Variants in PICALM observed in about 807,000 individuals in gnomAD.
PICALM encodes phosphatidylinositol-binding clathrin assembly protein.
In PICALM, 40 loss-of-function variants were observed where a neutral mutation model predicts 80.5. The ratio of observed to expected loss-of-function variants is 0.50; its 90% CI spans 0.39 to 0.65. The LOEUF (loss-of-function observed/expected upper bound fraction) is 0.65. Among genes scored for constraint, PICALM ranks in the 30% least tolerant of loss-of-function variants. PICALM has a pLI of 0.00. For synonymous variants in PICALM, 288 were observed against 260.3 expected, an observed-to-expected ratio of 1.11 and a Z score of -1.02; for missense variants, 676 against 778.9, an observed-to-expected ratio of 0.87 and a Z score of 1.57.
intron 1 of PICALM, among the ~76,000 whole-genome samples, chr11:86,059,246 T>C (rs1286113666): frequency 6.6e-6 from 1 of 152,228 alleles, no homozygotes; most frequent in South Asian, 2.1e-4. Context: ...CAATATTTAC[T>C]GAGCACCCAT....
At chr11:85,996,961 T>C (rs1308263418) in intron 11 of PICALM, 32 bp from the exon 12 acceptor site, 1 of 1,480,284 alleles carries the variant, frequency 6.8e-7, no homozygotes, top group South Asian at 1.2e-5. Context: ...GTGTTTTATT[T>C]ACCAGAAAAA....
chr11:86,062,643 A>G (rs931118713), intron 1 of PICALM, among the ~76,000 whole-genome samples: 1 of 152,216 alleles, frequency 6.6e-6, no homozygotes, highest in African/African-American at 2.4e-5. Flanking sequence ...ATAATAATAT[A>G]ACTTGAGAAA....
chr11:86,067,945 A>G (rs1231575449), intron 1 of PICALM, among the ~76,000 whole-genome samples: 1 of 152,192 alleles, frequency 6.6e-6, no homozygotes, highest in African/African-American at 2.4e-5. Context: ...CCTACACCAA[A>G]TTGAATCCTT....
chr11:86,048,590 T>A (rs1029345932), intron 1 of PICALM, among the ~76,000 whole-genome samples: 1 of 151,630 alleles, frequency 6.6e-6, no homozygotes, highest in Non-Finnish European at 1.5e-5. Flanking sequence ...TCCCAGCACT[T>A]TGGGGGGCTG....
intron 1 of PICALM, among the ~76,000 whole-genome samples, chr11:86,041,596 T>C (rs2095970467): frequency 2.0e-5 from 3 of 152,312 alleles, no homozygotes; most frequent in African/African-American, 4.8e-5. Context: ...TAAGATACTA[T>C]ATATTAATAT....
intron 4 of PICALM, among the ~76,000 whole-genome samples, chr11:86,015,205 G>A (rs1340167338): frequency 6.6e-6 from 1 of 152,124 alleles, no homozygotes; most frequent in Non-Finnish European, 1.5e-5. Context: ...TAAAGCATGA[G>A]CCATAAAAGC....
chr11:86,035,463 C>A (rs572110164), intron 1 of PICALM, among the ~76,000 whole-genome samples: 2 of 152,290 alleles, frequency 1.3e-5, no homozygotes, highest in African/African-American at 4.8e-5. Flanking sequence ...AAAAAAGAAG[C>A]CTGGCCTAAA....
Position 86,030,953 on chromosome 11 carries a change from C to A in PICALM, c.273+516G>T, listed in dbSNP as rs142579171. On this transcript the variant is annotated intron_variant, in intron 2 of 19. Transcript: ENST00000393346. The stretch of plus-strand genomic sequence containing the variant: ...CAAGATGGAAAGACCCCCATCTCTA[C>A]AAAAAAATTTAAAAATAAGCCAGGC... 3.9e-5 allele frequency among the ~76,000 whole-genome samples: 6 copies of A among 152,090 alleles called. No individual in the cohort carries two copies. In the East Asian group the frequency reaches 1.2e-3, roughly 29 times the overall value.
chr11:85,995,567 T>A (rs2094933003), intron 12 of PICALM, among the ~76,000 whole-genome samples: 1 of 152,186 alleles, frequency 6.6e-6, no homozygotes, highest in Non-Finnish European at 1.5e-5. Flanking sequence ...TTGAAATGTT[T>A]AATATATTTT....
chr11:86,028,979 A>G (rs1347993215), intron 2 of PICALM, among the ~76,000 whole-genome samples: 1 of 151,764 alleles, frequency 6.6e-6, no homozygotes, highest in Non-Finnish European at 1.5e-5. Context: ...CTGGGATTAC[A>G]TATGTGCACC....
intron 17 of PICALM, chr11:85,977,970 T>C: frequency 7.0e-6 from 6 of 855,966 alleles, no homozygotes; most frequent in East Asian, 2.6e-5. Flanking sequence ...AAAATCTGAA[T>C]GTGAAAACAA....
chr11:85,976,568 A>G lies in PICALM; in HGVS notation c.1839+55T>C, dbSNP rs1349819092. 4.8e-6 allele frequency: 5 copies of G among 1,047,684 alleles called. No homozygotes were observed. The African/African-American group carries it at 6.3e-5, about 13-fold the overall frequency. 64.9% of individuals were successfully genotyped at this position (1,047,684 alleles called of 1,614,324 possible). A position where few individuals can be genotyped will look rare whatever the true frequency, so the allele number is the denominator to read the frequency against. ...TTTTAGGTTAAATTGTAATAAAAAC[A>G]TGTTATATATGAATCAATATTTTTT... On this transcript the variant is annotated intron_variant, in intron 18 of 19. Coordinates refer to ENST00000393346, the MANE Select transcript of PICALM (RefSeq NM_007166.4).
Position 86,011,025 on chromosome 11 carries a change from T to C in PICALM, c.765+5A>G, listed in dbSNP as rs1371791259. On this transcript the variant is annotated splice_donor_5th_base_variant and intron_variant, in intron 7 of 19. Coordinates refer to ENST00000393346, the MANE Select transcript of PICALM (RefSeq NM_007166.4). ...TTAGGAGACAGTCACTTAAAGACAG[T>C]TTACCTCTGCAACTTTGAGGAACTC... 2 of 1,360,058 alleles carry C rather than the reference T, an allele frequency of 1.5e-6. No individual in the cohort carries two copies. Among genetic ancestry groups the C allele is most frequent in the Admixed American group, 1.8e-5 (1 of 54,148 alleles). 84.2% of individuals were successfully genotyped at this position (1,360,058 alleles called of 1,614,324 possible).
At chr11:86,047,677 T>C (rs1315962487) in intron 1 of PICALM, among the ~76,000 whole-genome samples, 3 of 152,212 alleles carry the variant, frequency 2.0e-5, no homozygotes, top group South Asian at 2.1e-4. Context: ...TCAACAGTTA[T>C]AACACATTCT....
chr11:86,014,421 G>A (rs773165311), intron 5 of PICALM, among the ~76,000 whole-genome samples: 2 of 152,146 alleles, frequency 1.3e-5, no homozygotes, highest in Non-Finnish European at 2.9e-5. Flanking sequence ...AAATTCCAGC[G>A]AACACAATGC....
chr11:85,966,955 AAATTTCTGTTTT>A (rs1224589079), intron 19 of PICALM, among the ~76,000 whole-genome samples: 3 of 152,206 alleles, frequency 2.0e-5, no homozygotes, highest in African/African-American at 7.2e-5. Context: ...GATAGAAAAC[AAATTTCTGTTTT>A]AATTTCTGTT....
chr11:85,988,569 C>T (rs755701668), intron 13 of PICALM, among the ~76,000 whole-genome samples: 1 of 150,558 alleles, frequency 6.6e-6, no homozygotes, highest in Admixed American at 6.7e-5. Flanking sequence ...ACAAGGCATA[C>T]AAGGCAGGAA....
At position 86,026,366 on chromosome 11, in the gene PICALM, C is replaced by T. The variant is rs1167033869; in HGVS notation, c.275G>A (p.Arg92His). ...THHLMVYGNE[R>H]FIQYLASRNT... Reference sequence around the variant, plus strand: ...TCTTGAAGCCAAATACTGAATAAAACGCTGGAAAAAAAAAATTACATCATA... The same window carrying T: ...TCTTGAAGCCAAATACTGAATAAAATGCTGGAAAAAAAAAATTACATCATA... The change falls in exon 3 of 20, where the codon CGT becomes CAT. Residue 92 changes from arginine to histidine, a missense_variant and splice_region_variant. Physicochemically the swap from Arg to His is conservative, Grantham distance 29 (BLOSUM62 0). Around this residue, in one of 2 missense-constraint regions of PICALM, gnomAD observed 285 missense variants for 395.4 expected, o/e 0.72. Transcript: ENST00000393346. 1 of 1,589,582 alleles carries T rather than the reference C, an allele frequency of 6.3e-7. No individual in the cohort carries two copies. The highest frequency in any genetic ancestry group is 8.6e-7 in the Non-Finnish European group (1 of 1,163,712).
At chr11:86,048,358 T>G (rs955312547) in intron 1 of PICALM, among the ~76,000 whole-genome samples, 2 of 152,146 alleles carry the variant, frequency 1.3e-5, no homozygotes, top group African/African-American at 4.8e-5. Flanking sequence ...CTTGATCCAC[T>G]CTAGGTCACC....
Sources: allele counts gnomAD v4.1 joint callset (sites outside exome capture counted in the v4.1 genomes callset), GRCh38; gene constraint gnomAD v4.1.1; regional missense constraint gnomAD v4.1.1; transcripts MANE v1.5; gene names NCBI Gene and HGNC (gene_info 2026-07-23, HGNC 2026-07-21).